The following ITGA5 variants were observed in gnomAD, a reference collection of about 807,000 sequenced individuals.
The protein encoded by ITGA5 is integrin alpha-5.
In ITGA5, 55 loss-of-function variants were observed where a neutral mutation model predicts 146.3. That is an observed-to-expected ratio of 0.38 (90% CI 0.30 to 0.47). ITGA5 has a LOEUF of 0.47. ITGA5 is among the 20% of genes least tolerant of loss of function. The pLI is 0.99. For synonymous variants in ITGA5, 500 were observed against 531.8 expected, an observed-to-expected ratio of 0.94 and a Z score of 0.82; for missense variants, 1,131 against 1,329.0, an observed-to-expected ratio of 0.85 and a Z score of 2.32.
At chr12:54,411,520 C>A (rs1955943094) in intron 2 of ITGA5, among the ~76,000 whole-genome samples, 1 of 152,226 alleles carries the variant, frequency 6.6e-6, no homozygotes, top group Admixed American at 6.5e-5. Flanking sequence ...GTTAAAGGAA[C>A]TGAATAGTTT....
rs150485260 is a variant in ITGA5 at position 54,395,917 on chromosome 12, C to A, written c.*376G>T. The A allele has an allele frequency of 7.8e-4, 148 of 189,428 alleles. No homozygotes were observed. The highest frequency in any genetic ancestry group is 3.3e-3 in the African/African-American group (141 of 42,162). 11.7% of individuals were successfully genotyped at this position (189,428 alleles called of 1,614,324 possible). On this transcript the variant is annotated 3_prime_UTR_variant, in exon 30 of 30. Coordinates refer to ENST00000293379, the MANE Select transcript of ITGA5 (RefSeq NM_002205.5). ...GAGGACAGATCTTTGCAGGTTGGAG[C>A]TGGACAGGAAGTCCTTGTGGCATGT...
chr12:54,401,932 C>T lies in ITGA5; in HGVS notation c.2226+69G>A. 1 of 1,597,386 alleles carries T rather than the reference C, an allele frequency of 6.3e-7. No homozygotes were observed. Among genetic ancestry groups the T allele is most frequent in the Non-Finnish European group, 8.6e-7 (1 of 1,164,980 alleles). On this transcript the variant is annotated intron_variant, in intron 21 of 29. Transcript: ENST00000293379. The surrounding 1 kb of genome is among the most constrained non-coding windows in gnomAD (Gnocchi z 5.0). ...TCCCTCCGCACCTCACAGCTGTGCT[C>T]TCGGCTGGCTGGTTACCGCCCTCAG...
chr12:54,405,439 G>T, intron 11 of ITGA5, 65 bp from the exon 12 acceptor site: 1 of 1,322,986 alleles, frequency 7.6e-7, no homozygotes, highest in Non-Finnish European at 1.0e-6. Flanking sequence ...CAATCCTAGT[G>T]CTAGAAATCC....
chr12:54,405,976 C>G (rs766765613), intron 9 of ITGA5, 50 bp from the exon 10 acceptor site: 2 of 1,534,836 alleles, frequency 1.3e-6, no homozygotes, highest in Non-Finnish European at 1.8e-6. Context: ...CAGAATATCC[C>G]ATGGTTAAAG....
intron 28 of ITGA5, among the ~76,000 whole-genome samples, chr12:54,398,262 T>C (rs1054842629): frequency 6.6e-6 from 1 of 152,226 alleles, no homozygotes; most frequent in South Asian, 2.1e-4. Flanking sequence ...GGTTAGTTCC[T>C]ATTTATTCTT....
rs1373435173 is a variant in ITGA5 at position 54,405,188 on chromosome 12, G to A, written c.1203C>T (p.Asp401=). 1 of 1,606,176 alleles carries A rather than the reference G, an allele frequency of 6.2e-7. No individual in the cohort carries two copies. The highest frequency in any genetic ancestry group is 1.1e-5 in the South Asian group (1 of 90,444). Residue 401 remains aspartate, a synonymous_variant, in exon 12 of 30, where the codon GAC becomes GAT. Coordinates refer to ENST00000293379, the MANE Select transcript of ITGA5 (RefSeq NM_002205.5). ...RFGSSLTPLG[D]LDQDGYNDVA... ...CACCATTGTAGCCATCCTGGTCCAGGTCCCCCAGGGGGGTCAAGGAGCTGC... is the reference window on the plus strand; with the variant it reads ...CACCATTGTAGCCATCCTGGTCCAGATCCCCCAGGGGGGTCAAGGAGCTGC...
In ITGA5 at chr12:54,404,263, TG is replaced by T; in HGVS notation, c.1464-18del. ...GGGCGGCCCCTGCCAAGAGTGAATG[TG>T]GGGTCAATAGAATTAGGACTCCTCT... On this transcript the variant is annotated intron_variant, in intron 14 of 29. Coordinates refer to ENST00000293379, the MANE Select transcript of ITGA5 (RefSeq NM_002205.5). 1.3e-6 allele frequency: 2 copies of T among 1,596,162 alleles called. No individual in the cohort carries two copies. The highest frequency in any genetic ancestry group is 1.7e-6 in the Non-Finnish European group (2 of 1,170,832).
At chr12:54,404,091 G>A in intron 15 of ITGA5, 54 bp downstream of exon 15, 1 of 1,560,002 alleles carries the variant, frequency 6.4e-7, no homozygotes, top group Non-Finnish European at 8.8e-7. Flanking sequence ...CAGACTTGGT[G>A]CCCCTGCCCA....
rs978153167 is a variant in ITGA5 at position 54,416,760 on chromosome 12, C to A, written c.218+2221G>T. ...CCTCTCCCTAGGTACTAGGGTACCA[C>A]GCAAAAAACTAGTAAGTAGTGGGGA... On this transcript the variant is annotated intron_variant, in intron 1 of 29. Coordinates refer to ENST00000293379, the MANE Select transcript of ITGA5 (RefSeq NM_002205.5). This position sits in a 1 kb window ranked among gnomAD's most constrained non-coding sequence, Gnocchi z 4.1. 3.9e-5 allele frequency among the ~76,000 whole-genome samples: 6 copies of A among 152,192 alleles called. No individual in the cohort carries two copies. The highest frequency in any genetic ancestry group is 8.8e-5 in the Non-Finnish European group (6 of 68,038).
intron 9 of ITGA5, among the ~76,000 whole-genome samples, chr12:54,406,899 CT>C (rs1955873164): frequency 1.3e-5 from 2 of 152,344 alleles, no homozygotes; most frequent in South Asian, 4.1e-4. Context: ...ACTGTATCCA[CT>C]TTGCTGAAGT....
At chr12:54,405,743 G>C in intron 10 of ITGA5, 27 bp from the exon 11 acceptor site, 1 of 1,613,156 alleles carries the variant, frequency 6.2e-7, no homozygotes, top group Non-Finnish European at 8.5e-7. Context: ...GGCAGCGCTG[G>C]GTCAGAACTA....
At chr12:54,404,274 G>C in intron 14 of ITGA5, 28 bp from the exon 15 acceptor site, 1 of 1,588,992 alleles carries the variant, frequency 6.3e-7, no homozygotes, top group Non-Finnish European at 8.6e-7. Context: ...GGGGTCAATA[G>C]AATTAGGACT....
At chr12:54,398,059 G>A (rs1955735895) in intron 28 of ITGA5, among the ~76,000 whole-genome samples, 1 of 151,944 alleles carries the variant, frequency 6.6e-6, no homozygotes. Flanking sequence ...CACCACATCT[G>A]GCTAATTTTT....
intron 1 of ITGA5, among the ~76,000 whole-genome samples, chr12:54,417,834 C>T (rs1390365661): frequency 6.6e-6 from 1 of 152,094 alleles, no homozygotes; most frequent in Non-Finnish European, 1.5e-5. Context: ...ATGGCCTAGC[C>T]CAGGAGCAAC....
chr12:54,409,626 C>T lies in ITGA5; in HGVS notation c.350-29G>A. Reference sequence around the variant, plus strand: ...GTGGAAGTGAGAAGGGGGAGTCTTACTGAGCCATGGACATTTGAGCTCTAG... The same window carrying T: ...GTGGAAGTGAGAAGGGGGAGTCTTATTGAGCCATGGACATTTGAGCTCTAG... On this transcript the variant is annotated intron_variant, in intron 2 of 29. Coordinates refer to ENST00000293379, the MANE Select transcript of ITGA5 (RefSeq NM_002205.5). The surrounding 1 kb of genome is among the most constrained non-coding windows in gnomAD (Gnocchi z 4.7). 1 of 1,508,774 alleles carries T rather than the reference C, an allele frequency of 6.6e-7. No homozygotes were observed. The highest frequency in any genetic ancestry group is 9.2e-7 in the Non-Finnish European group (1 of 1,092,680). 93.5% of individuals were successfully genotyped at this position (1,508,774 alleles called of 1,614,324 possible).
Position 54,416,576 on chromosome 12 carries a change from A to G in ITGA5, c.218+2405T>C, listed in dbSNP as rs888333650. Among the ~76,000 whole-genome samples the G allele has an allele frequency of 6.6e-6, 1 of 152,242 alleles. No homozygotes were observed. The highest frequency in any genetic ancestry group is 2.4e-5 in the African/African-American group (1 of 41,458). Reference sequence around the variant, plus strand: ...CGGTAGCCAGGAAGGAGAGAACCAGAAACAGAAACAGCTACCCCATAAAAA... The same window carrying G: ...CGGTAGCCAGGAAGGAGAGAACCAGGAACAGAAACAGCTACCCCATAAAAA... On this transcript the variant is annotated intron_variant, in intron 1 of 29. Transcript: ENST00000293379. The surrounding 1 kb of genome is among the most constrained non-coding windows in gnomAD (Gnocchi z 4.1).
chr12:54,399,544 C>A, intron 27 of ITGA5, 101 bp downstream of exon 27: 1 of 826,400 alleles, frequency 1.2e-6, no homozygotes, highest in East Asian at 2.5e-5. Context: ...TGCTGGGTCC[C>A]ATTCACCAAA....
Position 54,396,110 on chromosome 12 carries a change from G to T in ITGA5, c.*183C>A, listed in dbSNP as rs377391163. 102 of 589,696 alleles carry T rather than the reference G, an allele frequency of 1.7e-4. No homozygotes were observed. The highest frequency in any genetic ancestry group is 9.5e-4 in the Admixed American group (32 of 33,544). The allele number at this position is 589,696 out of a possible 1,614,324, so 36.5% of individuals were successfully genotyped here. A position where few individuals can be genotyped will look rare whatever the true frequency, so the allele number is the denominator to read the frequency against. ...AACAAGGGTCCTTCACAGTGCATGG[G>T]GGGGAGGGATCCCCAGCTCCTCACC... On this transcript the variant is annotated 3_prime_UTR_variant, in exon 30 of 30. Transcript: ENST00000293379.
intron 4 of ITGA5, 29 bp from the exon 5 acceptor site, chr12:54,408,983 G>A (rs12302891): frequency 0.016 from 25,108 of 1,606,070 alleles, 573 homozygotes; most frequent in South Asian, 0.076. Context: ...GTGAAAATGA[G>A]CCCTGCATAG....
Sources: allele counts gnomAD v4.1 joint callset (sites outside exome capture counted in the v4.1 genomes callset), GRCh38; gene constraint gnomAD v4.1.1; non-coding constraint Gnocchi (gnomAD v3.1); transcripts MANE v1.5; gene names NCBI Gene and HGNC (gene_info 2026-07-23, HGNC 2026-07-21).